The following PIP4K2A variants were observed in gnomAD, a reference collection of about 807,000 sequenced individuals.
PIP4K2A encodes the protein phosphatidylinositol-5-phosphate 4-kinase type 2 alpha, also known as phosphatidylinositol 5-phosphate 4-kinase type-2 alpha.
In PIP4K2A, 14 loss-of-function variants were observed where a neutral mutation model predicts 42.9. The ratio of observed to expected loss-of-function variants is 0.33; its 90% CI spans 0.22 to 0.51. The LOEUF (loss-of-function observed/expected upper bound fraction) is 0.51, where lower values mean the gene tolerates loss of function less well. Among genes scored for constraint, PIP4K2A ranks in the 20% least tolerant of loss-of-function variants. PIP4K2A has a pLI of 0.97. For synonymous variants in PIP4K2A, 192 were observed against 192.2 expected, an observed-to-expected ratio of 1.00 and a Z score of 0.01; for missense variants, 434 against 519.8, an observed-to-expected ratio of 0.83 and a Z score of 1.61.
chr10:22,603,898 C>A (rs1056444937), intron 3 of PIP4K2A, among the ~76,000 whole-genome samples: 2 of 152,280 alleles, frequency 1.3e-5, no homozygotes, highest in South Asian at 4.1e-4. Flanking sequence ...TGATTCAACC[C>A]TGAGCATATT....
rs1161010006 is a variant in PIP4K2A, at chr10:22,536,941, A to ACG, written c.*258_*259dup. On this transcript the variant is annotated 3_prime_UTR_variant, in exon 10 of 10. Coordinates refer to ENST00000376573, the MANE Select transcript of PIP4K2A (RefSeq NM_005028.5). ...TTAATTTATGACTTTTAAAATGCAC[A>ACG]CGCGCGCACACACTCACCCCCCCCC... 2.8e-5 allele frequency: 10 copies of ACG among 359,312 alleles called. No individual in the cohort carries two copies. In the African/African-American group the frequency reaches 3.7e-4, roughly 13 times the overall value. 22.3% of individuals were successfully genotyped at this position (359,312 alleles called of 1,614,324 possible). A position where few individuals can be genotyped will look rare whatever the true frequency, so the allele number is the denominator to read the frequency against.
At chr10:22,686,971 T>C (rs11013096) in intron 1 of PIP4K2A, among the ~76,000 whole-genome samples, 2,239 of 152,236 alleles carry the variant, frequency 0.015, 28 homozygotes, top group Non-Finnish European at 0.023. Flanking sequence ...TGTCTCCTGC[T>C]CCACAGTTAC....
chr10:22,633,711 C>G (rs1588676126), intron 1 of PIP4K2A, among the ~76,000 whole-genome samples: 1 of 152,088 alleles, frequency 6.6e-6, no homozygotes, highest in Non-Finnish European at 1.5e-5. Context: ...CAATATGTTC[C>G]AAAAATGCTT....
intron 4 of PIP4K2A, among the ~76,000 whole-genome samples, chr10:22,577,376 G>T (rs1239678116): frequency 6.6e-6 from 1 of 151,970 alleles, no homozygotes; most frequent in Non-Finnish European, 1.5e-5. Flanking sequence ...GGAGGTGACT[G>T]GGTCATGGGG....
intron 8 of PIP4K2A, among the ~76,000 whole-genome samples, chr10:22,541,025 GT>G (rs1342673693): frequency 2.0e-5 from 3 of 152,206 alleles, no homozygotes; most frequent in African/African-American, 7.2e-5. Flanking sequence ...ATGAGCCACA[GT>G]TTTTATTATT....
At chr10:22,703,150 A>G (rs976764919) in intron 1 of PIP4K2A, among the ~76,000 whole-genome samples, 2 of 152,178 alleles carry the variant, frequency 1.3e-5, no homozygotes, top group African/African-American at 4.8e-5. Context: ...TCATGCCTCT[A>G]ATCCCAGCAC....
intron 1 of PIP4K2A, among the ~76,000 whole-genome samples, chr10:22,673,419 A>G (rs1478560451): frequency 7.9e-5 from 12 of 152,200 alleles, no homozygotes; most frequent in Admixed American, 7.9e-4. Flanking sequence ...TCAAAGGTAG[A>G]CCTAGAACTA....
chr10:22,702,294 AT>A (rs754780476), intron 1 of PIP4K2A, among the ~76,000 whole-genome samples: 13 of 152,256 alleles, frequency 8.5e-5, no homozygotes, highest in Non-Finnish European at 1.8e-4. Context: ...CATTATCCCT[AT>A]TCTTACAATG....
chr10:22,687,326 G>A (rs529739037), intron 1 of PIP4K2A, among the ~76,000 whole-genome samples: 188 of 152,062 alleles, frequency 1.2e-3, no homozygotes, highest in Non-Finnish European at 2.1e-3. Context: ...AAAAAGGTCA[G>A]GTATGCATTT....
intron 4 of PIP4K2A, among the ~76,000 whole-genome samples, chr10:22,585,930 A>C (rs1837384141): frequency 6.6e-6 from 1 of 152,086 alleles, no homozygotes; most frequent in Non-Finnish European, 1.5e-5. Context: ...TTGAAGCTAC[A>C]TGATACCAAA....
chr10:22,541,393 TAA>T (rs1431629348), intron 8 of PIP4K2A, among the ~76,000 whole-genome samples: 1 of 152,194 alleles, frequency 6.6e-6, no homozygotes, highest in Non-Finnish European at 1.5e-5. Flanking sequence ...TTGACTTAGA[TAA>T]AAAAGATAAC....
chr10:22,609,635 T>C lies in PIP4K2A; in HGVS notation c.227A>G (p.Asn76Ser), dbSNP rs367543641. ...FKAYSKIKVD[N>S]HLFNKENMPS... ...TTGTACTTACTTGTTAAAAAGGTGA[T>C]TGTCCACCTTTATTTTTGAATAGGC... The change falls in exon 2 of 10, where the codon AAT becomes AGT. Residue 76 changes from asparagine (N) to serine (S), a missense_variant. Around this residue, in one of 2 missense-constraint regions of PIP4K2A, gnomAD observed 395 missense variants for 444.5 expected, o/e 0.89. Coordinates refer to ENST00000376573, the MANE Select transcript of PIP4K2A (RefSeq NM_005028.5). The C allele has an allele frequency of 2.5e-6, 4 of 1,579,546 alleles. No homozygotes were observed. The highest frequency in any genetic ancestry group is 2.7e-5 in the African/African-American group (2 of 74,308).
At chr10:22,627,816 A>C (rs1222495363) in intron 1 of PIP4K2A, among the ~76,000 whole-genome samples, 1 of 152,130 alleles carries the variant, frequency 6.6e-6, no homozygotes, top group Non-Finnish European at 1.5e-5. Context: ...ATGTAAAGAC[A>C]GTCTAGGGAG....
intron 1 of PIP4K2A, among the ~76,000 whole-genome samples, chr10:22,658,025 C>T (rs1486131626): frequency 1.3e-5 from 2 of 152,092 alleles, no homozygotes; most frequent in Admixed American, 6.6e-5. Flanking sequence ...GCCAGAAGTA[C>T]AGACAGGAAG....
intron 1 of PIP4K2A, among the ~76,000 whole-genome samples, chr10:22,673,294 A>G (rs1461687879): frequency 6.6e-6 from 1 of 152,218 alleles, no homozygotes; most frequent in Non-Finnish European, 1.5e-5. Flanking sequence ...TCCTCCAACT[A>G]AACTGATTCC....
At chr10:22,620,090 T>G (rs749755438) in intron 1 of PIP4K2A, among the ~76,000 whole-genome samples, 3 of 152,250 alleles carry the variant, frequency 2.0e-5, no homozygotes. Context: ...ATTTAAACTT[T>G]TGCTTAGAAT....
chr10:22,649,132 CT>C (rs1157347611), intron 1 of PIP4K2A, among the ~76,000 whole-genome samples: 1 of 152,182 alleles, frequency 6.6e-6, no homozygotes, highest in Non-Finnish European at 1.5e-5. Context: ...AAACTTCTTG[CT>C]GTTGCATGCA....
intron 9 of PIP4K2A, chr10:22,539,528 C>T (rs1243143200): frequency 6.4e-6 from 1 of 156,958 alleles, no homozygotes; most frequent in Non-Finnish European, 1.4e-5. Flanking sequence ...AATCATGCTT[C>T]AGTTTTGAAT....
chr10:22,679,912 G>A (rs1488618117), intron 1 of PIP4K2A, among the ~76,000 whole-genome samples: 1 of 151,986 alleles, frequency 6.6e-6, no homozygotes, highest in Non-Finnish European at 1.5e-5. Flanking sequence ...TTTTAGAGAG[G>A]ATGAAAATGT....
Sources: allele counts gnomAD v4.1 joint callset (sites outside exome capture counted in the v4.1 genomes callset), GRCh38; gene constraint gnomAD v4.1.1; regional missense constraint gnomAD v4.1.1; transcripts MANE v1.5; gene names NCBI Gene and HGNC (gene_info 2026-07-23, HGNC 2026-07-21).